FILIP1L: variants seen among roughly 807,000 people sequenced by gnomAD.
FILIP1L encodes the protein filamin A interacting protein 1 like, also known as filamin A-interacting protein 1-like.
A neutral mutation model predicts 96.6 loss-of-function variants in FILIP1L; 55 were observed. The observed-to-expected ratio is 0.57, with a 90% CI of 0.46 to 0.71. FILIP1L has a LOEUF of 0.71. Among genes scored for constraint, FILIP1L ranks in the 30% least tolerant of loss-of-function variants. The pLI is 0.00. For synonymous variants in FILIP1L, 467 were observed against 473.9 expected (o/e 0.99, Z 0.19); for missense variants, 1,304 against 1,321.2 (o/e 0.99, Z 0.20).
intron 1 of FILIP1L, among the ~76,000 whole-genome samples, chr3:99,975,581 G>A (rs1460313884): frequency 2.0e-5 from 3 of 149,992 alleles, no homozygotes; most frequent in South Asian, 2.1e-4. Context: ...ATGAGACTCC[G>A]TCTCAAAAAA....
intron 1 of FILIP1L, among the ~76,000 whole-genome samples, chr3:100,045,524 G>A (rs891072103): frequency 2.2e-4 from 33 of 151,638 alleles, no homozygotes; most frequent in Non-Finnish European, 3.7e-4. Flanking sequence ...CCCTCCTCTC[G>A]CAAACACCTC....
intron 4 of FILIP1L, among the ~76,000 whole-genome samples, chr3:99,912,788 T>C (rs915412328): frequency 1.3e-5 from 2 of 152,246 alleles, no homozygotes; most frequent in Non-Finnish European, 2.9e-5. Flanking sequence ...ACTTCTTGAC[T>C]ATCATGAATA....
rs1472072345 is a variant in FILIP1L at position 99,829,911 on chromosome 3, G to C, written c.*503C>G. Among the ~76,000 whole-genome samples the C allele has an allele frequency of 6.6e-6, 1 of 151,938 alleles. No homozygotes were observed. The highest frequency in any genetic ancestry group is 2.1e-4 in the South Asian group (1 of 4,814). ...ATTATCACTTTGCTTTTTCCCTCCT[G>C]GTCATAAAGAAATCATAGTTTTAGA... On this transcript the variant is annotated 3_prime_UTR_variant, in exon 6 of 6. Coordinates refer to ENST00000477258, the MANE Select transcript of FILIP1L (RefSeq NM_001387850.1).
At chr3:100,053,855 CT>C (rs1439679893) in intron 1 of FILIP1L, among the ~76,000 whole-genome samples, 1 of 152,182 alleles carries the variant, frequency 6.6e-6, no homozygotes, top group Non-Finnish European at 1.5e-5. Context: ...AAACTGCCCC[CT>C]GGGGCCAGAT....
At chr3:99,992,253 T>G (rs1709545933) in intron 1 of FILIP1L, among the ~76,000 whole-genome samples, 1 of 152,112 alleles carries the variant, frequency 6.6e-6, no homozygotes, top group African/African-American at 2.4e-5. Flanking sequence ...CACACTGTTT[T>G]GCATAAAGGT....
intron 1 of FILIP1L, among the ~76,000 whole-genome samples, chr3:100,002,463 C>A (rs1187790824): frequency 6.6e-6 from 1 of 152,158 alleles, no homozygotes; most frequent in Non-Finnish European, 1.5e-5. Flanking sequence ...TTTCTGCCTG[C>A]CACTGCTTAC....
chr3:100,106,730 A>C (rs936263186), intron 1 of FILIP1L, among the ~76,000 whole-genome samples: 1 of 152,244 alleles, frequency 6.6e-6, no homozygotes, highest in South Asian at 2.1e-4. Context: ...GCTTTAGATG[A>C]GTTATACCCC....
intron 1 of FILIP1L, among the ~76,000 whole-genome samples, chr3:100,089,912 T>A (rs927181683): frequency 6.6e-6 from 1 of 152,190 alleles, no homozygotes; most frequent in East Asian, 1.9e-4. Context: ...ACTGTAGGAA[T>A]TGACTCAGAT....
At position 99,983,426 on chromosome 3, in the gene FILIP1L, A is replaced by G. The variant is rs1463449187; in HGVS notation, c.-10-52396T>C. On this transcript the variant is annotated intron_variant, in intron 1 of 5. Coordinates refer to ENST00000477258, the MANE Select transcript of FILIP1L (RefSeq NM_001387850.1). Reference sequence around the variant, plus strand: ...TATATATATATATATATATGTATGTATGTATGTATATATATGTATGTATAT... The same window carrying G: ...TATATATATATATATATATGTATGTGTGTATGTATATATATGTATGTATAT... Among the ~76,000 whole-genome samples, 66 of 82,774 alleles carry G rather than the reference A, an allele frequency of 8.0e-4. 1 individual carries two copies. The highest frequency in any genetic ancestry group is 3.7e-3 in the African/African-American group (65 of 17,428). 54.3% of individuals were successfully genotyped at this position (82,774 alleles called of 152,430 possible).
At chr3:99,924,905 C>T (rs1707242711) in intron 3 of FILIP1L, among the ~76,000 whole-genome samples, 1 of 152,152 alleles carries the variant, frequency 6.6e-6, no homozygotes, top group African/African-American at 2.4e-5. Context: ...CAAATGTAGT[C>T]TCTTTATTGC....
intron 4 of FILIP1L, among the ~76,000 whole-genome samples, chr3:99,912,592 G>C (rs1462969195): frequency 2.6e-5 from 4 of 152,152 alleles, no homozygotes; most frequent in African/African-American, 4.8e-5. Context: ...TGCCCAGGCT[G>C]GTCTCAAACT....
chr3:99,971,356 A>G (rs1331033677), intron 1 of FILIP1L, among the ~76,000 whole-genome samples: 1 of 150,838 alleles, frequency 6.6e-6, no homozygotes, highest in Non-Finnish European at 1.5e-5. Flanking sequence ...AAAAGAGAAT[A>G]TGGGATGCTG....
intron 1 of FILIP1L, among the ~76,000 whole-genome samples, chr3:99,945,802 C>G (rs1026833773): frequency 6.6e-6 from 1 of 152,122 alleles, no homozygotes; most frequent in African/African-American, 2.4e-5. Context: ...CAACTTTAAC[C>G]CCAATTTTTT....
At chr3:100,023,567 T>C (rs1306755633) in intron 1 of FILIP1L, 1 of 152,616 alleles carries the variant, frequency 6.6e-6, no homozygotes, top group African/African-American at 2.4e-5. Context: ...GGAGAGAACA[T>C]TTTTGTAAAC....
intron 4 of FILIP1L, among the ~76,000 whole-genome samples, chr3:99,869,703 C>G (rs1492341): frequency 6.6e-6 from 1 of 152,148 alleles, no homozygotes; most frequent in Non-Finnish European, 1.5e-5. Flanking sequence ...GTCTTGCGAG[C>G]CCAAATGTGA....
Position 99,888,875 on chromosome 3 carries a change from TCTTTA to T in FILIP1L, c.605+35350_605+35354del, listed in dbSNP as rs1218916597. Among the ~76,000 whole-genome samples, 3 of 152,220 alleles carry T rather than the reference TCTTTA, an allele frequency of 2.0e-5. No individual in the cohort carries two copies. The East Asian group carries it at 5.8e-4, about 29-fold the overall frequency. On this transcript the variant is annotated intron_variant, in intron 4 of 5. Transcript: ENST00000477258. ...TCCATGATCTTATTGGGCTTTCATC[TCTTTA>T]CTTAGTTGTTTAGAATTGTGCTTCT...
intron 1 of FILIP1L, among the ~76,000 whole-genome samples, chr3:99,981,857 G>A (rs1709134086): frequency 1.3e-5 from 2 of 152,150 alleles, no homozygotes; most frequent in African/African-American, 2.4e-5. Context: ...GTCAAGCCAC[G>A]GCCAGGCATG....
At position 99,849,425 on chromosome 3, in the gene FILIP1L, T is replaced by C; in HGVS notation, c.2251A>G (p.Asn751Asp). 3 of 1,614,208 alleles carry C rather than the reference T, an allele frequency of 1.9e-6. No homozygotes were observed. The highest frequency in any genetic ancestry group is 2.5e-6 in the Non-Finnish European group (3 of 1,180,030). Reference sequence around the variant, plus strand: ...TCTCTGTTCCTGTTTTCTTGTTGATTTAGTTTTTTTTGCAGGACTGAGTGA... The same window carrying C: ...TCTCTGTTCCTGTTTTCTTGTTGATCTAGTTTTTTTTGCAGGACTGAGTGA... ...GDHSVLQKKL[N>D]QQENRNRDLG... The change falls in exon 5 of 6, where the codon AAT (asparagine) becomes GAT (aspartate). Residue 751 changes from asparagine to aspartate, a missense_variant. Physicochemically the swap from Asn to Asp is conservative, Grantham distance 23 (BLOSUM62 1). Coordinates refer to ENST00000477258, the MANE Select transcript of FILIP1L (RefSeq NM_001387850.1).
intron 1 of FILIP1L, among the ~76,000 whole-genome samples, chr3:100,105,528 G>C (rs1393620847): frequency 6.6e-6 from 1 of 152,128 alleles, no homozygotes; most frequent in Non-Finnish European, 1.5e-5. Flanking sequence ...CATTGAACAG[G>C]GTGGTTAAAG....
Sources: gnomAD v4.1 joint callset for allele counts (sites outside exome capture counted in the v4.1 genomes callset) on GRCh38, gnomAD v4.1.1 for gene constraint, MANE v1.5 for transcripts, NCBI Gene and HGNC (gene_info 2026-07-23, HGNC 2026-07-21) for gene names.